NAALADL2: variants seen among roughly 807,000 people sequenced by gnomAD.
NAALADL2 encodes the protein N-acetylated alpha-linked acidic dipeptidase like 2.
Under a neutral mutation model 87.2 loss-of-function variants are expected in NAALADL2, and 76 were observed. That is an observed-to-expected ratio of 0.87 (90% CI 0.72 to 1.05). NAALADL2 has a LOEUF of 1.05. NAALADL2 is among the 50% of genes least tolerant of loss of function. NAALADL2 has a pLI of 0.00. For missense variants in NAALADL2, 1,089 were observed against 945.8 expected (o/e 1.15, Z -1.99); for synonymous variants, 354 against 331.0 (o/e 1.07, Z -0.75).
chr3:174,811,326 C>G (rs1422896772), intron 3 of NAALADL2, among the ~76,000 whole-genome samples: 1 of 152,154 alleles, frequency 6.6e-6, no homozygotes, highest in Non-Finnish European at 1.5e-5. Flanking sequence ...AACATCAGCC[C>G]TTAGGAGCAA....
At chr3:175,257,781 A>C (rs1381121) in intron 4 of NAALADL2, among the ~76,000 whole-genome samples, 7 of 152,022 alleles carry the variant, frequency 4.6e-5, no homozygotes, top group African/African-American at 1.7e-4. Context: ...AATCAAAAAA[A>C]AGATCAAGAG....
intron 13 of NAALADL2, among the ~76,000 whole-genome samples, chr3:175,772,760 AT>A (rs1299095242): frequency 6.6e-6 from 1 of 152,100 alleles, no homozygotes; most frequent in African/African-American, 2.4e-5. Flanking sequence ...AGCTTTAATA[AT>A]TCCAAATATT....
chr3:175,459,219 A>C (rs1473012395), intron 6 of NAALADL2, among the ~76,000 whole-genome samples: 1 of 152,178 alleles, frequency 6.6e-6, no homozygotes, highest in South Asian at 2.1e-4. Flanking sequence ...AAAAGAGAAT[A>C]AAATATGTTA....
chr3:175,798,537 G>A (rs148462334), intron 13 of NAALADL2, among the ~76,000 whole-genome samples: 529 of 152,150 alleles, frequency 3.5e-3, no homozygotes, highest in South Asian at 0.014. Flanking sequence ...CTTGTTTACA[G>A]TCATTATAAA....
intron 1 of NAALADL2, among the ~76,000 whole-genome samples, chr3:174,501,556 A>T (rs1718898803): frequency 6.6e-6 from 1 of 152,190 alleles, no homozygotes; most frequent in Non-Finnish European, 1.5e-5. Flanking sequence ...AGTTTTAACT[A>T]CAAATTCAAT....
rs150344840 is a variant in NAALADL2 at position 174,827,296 on chromosome 3, C to A, written c.-9+89550C>A. ...AAAGCAAAACAAACTTACTGTCTTA[C>A]AGTTCTATGGGTCAGAATTCCAACA... On this transcript the variant is annotated intron_variant, in intron 3 of 3. Coordinates refer to the NAALADL2 transcript ENST00000434257. Among the ~76,000 whole-genome samples the A allele has an allele frequency of 9.6e-4, 146 of 152,288 alleles. 1 individual carries two copies. The Middle Eastern group carries it at 0.014, about 14-fold the overall frequency.
chr3:175,737,719 T>G (rs1422820314), intron 12 of NAALADL2, among the ~76,000 whole-genome samples: 2 of 135,870 alleles, frequency 1.5e-5, no homozygotes, highest in Admixed American at 7.3e-5. Flanking sequence ...ATCCAGTTTT[T>G]TTTTTTTTTT....
intron 2 of NAALADL2, among the ~76,000 whole-genome samples, chr3:175,137,322 T>C (rs1180830823): frequency 6.6e-6 from 1 of 152,144 alleles, no homozygotes; most frequent in Non-Finnish European, 1.5e-5. Flanking sequence ...TTAACCAGTT[T>C]ATTTAACCTA....
chr3:174,761,209 A>T (rs931776085), intron 3 of NAALADL2, among the ~76,000 whole-genome samples: 1 of 152,206 alleles, frequency 6.6e-6, no homozygotes, highest in African/African-American at 2.4e-5. Flanking sequence ...TATCTATCTT[A>T]TAATGACAAT....
At chr3:175,090,973 G>GA (rs36116076) in intron 1 of NAALADL2, among the ~76,000 whole-genome samples, 27,952 of 145,888 alleles carry the variant, frequency 0.19, 2,678 homozygotes, top group East Asian at 0.33. Context: ...ACCACAAATG[G>GA]AAAAAAAAAA....
intron 1 of NAALADL2, among the ~76,000 whole-genome samples, chr3:174,883,599 G>A (rs1356858282): frequency 6.6e-6 from 1 of 152,168 alleles, no homozygotes; most frequent in Non-Finnish European, 1.5e-5. Context: ...GTGTATACAT[G>A]CACAAACATG....
intron 3 of NAALADL2, among the ~76,000 whole-genome samples, chr3:174,756,953 A>AAAACAAAAC (rs1560199283): frequency 3.3e-5 from 5 of 149,774 alleles, no homozygotes; most frequent in South Asian, 2.1e-4. Context: ...TATAGACAAA[A>AAAACAAAAC]AAAACAAAAC....
intron 10 of NAALADL2, among the ~76,000 whole-genome samples, chr3:175,626,527 G>T (rs367676164): frequency 2.0e-5 from 3 of 151,494 alleles, no homozygotes. Context: ...TCCTGTTCTC[G>T]CAACTCCACA....
intron 2 of NAALADL2, among the ~76,000 whole-genome samples, chr3:175,118,433 T>C (rs572534453): frequency 6.3e-4 from 95 of 151,450 alleles, no homozygotes; most frequent in Admixed American, 1.6e-3. Flanking sequence ...TAAAAATAAA[T>C]AAAATAAAAC....
In NAALADL2 at chr3:174,732,578, G is replaced by A. The variant is rs181021942; in HGVS notation, c.-114-5063G>A. Among the ~76,000 whole-genome samples the A allele has an allele frequency of 6.6e-5, 10 of 152,204 alleles. No homozygotes were observed. The East Asian group carries it at 1.9e-3, about 29-fold the overall frequency. On this transcript the variant is annotated intron_variant, in intron 2 of 3. Transcript: ENST00000434257. ...AGTCCTTGCCTTCAAGAGGCTCAGA[G>A]GTGGATCAAAATATTAAGGCATCTC...
At chr3:175,761,257 T>C (rs1229444273) in intron 13 of NAALADL2, among the ~76,000 whole-genome samples, 1 of 152,238 alleles carries the variant, frequency 6.6e-6, no homozygotes, top group Non-Finnish European at 1.5e-5. Context: ...ATCTTTTTAC[T>C]GTCTCCATAG....
chr3:175,589,836 G>C (rs536327431), intron 10 of NAALADL2, among the ~76,000 whole-genome samples: 1 of 150,946 alleles, frequency 6.6e-6, no homozygotes, highest in African/African-American at 2.4e-5. Context: ...CCGAATGGTG[G>C]TACATTTAAA....
intron 1 of NAALADL2, among the ~76,000 whole-genome samples, chr3:174,921,308 T>G (rs1342404774): frequency 6.6e-6 from 1 of 152,192 alleles, no homozygotes; most frequent in Non-Finnish European, 1.5e-5. Flanking sequence ...CTCAATAAAG[T>G]TACTTAATAG....
At chr3:175,799,271 A>G (rs1753854206) in intron 13 of NAALADL2, among the ~76,000 whole-genome samples, 1 of 152,098 alleles carries the variant, frequency 6.6e-6, no homozygotes, top group African/African-American at 2.4e-5. Flanking sequence ...TAATTTTTTA[A>G]TTATAGTAGT....
Sources: gnomAD v4.1 joint callset for allele counts (sites outside exome capture counted in the v4.1 genomes callset) on GRCh38, gnomAD v4.1.1 for gene constraint, MANE v1.5 for transcripts, NCBI Gene and HGNC (gene_info 2026-07-23, HGNC 2026-07-21) for gene names.